WASF2: variants seen among roughly 807,000 people sequenced by gnomAD.
WASF2 encodes actin-binding protein WASF2.
In WASF2, 14 loss-of-function variants were observed where a neutral mutation model predicts 45.0. The observed-to-expected ratio is 0.31, with a 90% CI of 0.21 to 0.49. The LOEUF (loss-of-function observed/expected upper bound fraction) is 0.49. Ranked by LOEUF, WASF2 falls within the 20% of genes least tolerant of loss-of-function variation. The probability of loss-of-function intolerance (pLI) is 0.99; values close to 1 mark genes in which losing one functional copy is unlikely to be tolerated. For missense variants in WASF2, 439 were observed against 636.1 expected, an observed-to-expected ratio of 0.69 and a Z score of 3.33; for synonymous variants, 200 against 236.3, an observed-to-expected ratio of 0.85 and a Z score of 1.41.
intron 2 of WASF2, among the ~76,000 whole-genome samples, chr1:27,420,052 G>A (rs1010342222): frequency 3.3e-5 from 5 of 151,894 alleles, no homozygotes; most frequent in South Asian, 2.1e-4. Context: ...TTACAGATGC[G>A]CACCACCATG....
At chr1:27,479,264 C>T (rs370295206) in intron 1 of WASF2, among the ~76,000 whole-genome samples, 7 of 149,720 alleles carry the variant, frequency 4.7e-5, no homozygotes, top group East Asian at 4.0e-4. Context: ...CCAGTGTGGG[C>T]GACAGAGTGA....
At chr1:27,437,004 CAG>C (rs1343444738) in intron 1 of WASF2, among the ~76,000 whole-genome samples, 4 of 152,144 alleles carry the variant, frequency 2.6e-5, no homozygotes, top group African/African-American at 9.7e-5. Flanking sequence ...GCTGAGGAAA[CAG>C]AACTTCTAAA....
intron 1 of WASF2, among the ~76,000 whole-genome samples, chr1:27,455,331 C>G (rs903718809): frequency 6.6e-6 from 1 of 152,074 alleles, no homozygotes; most frequent in Non-Finnish European, 1.5e-5. Flanking sequence ...CAGCTGCCTC[C>G]TAATAATTAA....
At chr1:27,441,753 C>A (rs1412950215) in intron 1 of WASF2, among the ~76,000 whole-genome samples, 124 of 51,622 alleles carry the variant, frequency 2.4e-3, no homozygotes, top group East Asian at 9.3e-3. Flanking sequence ...GACTCCGTCT[C>A]AAAAAAAAAA....
At chr1:27,413,486 C>G (rs1465054477) in intron 6 of WASF2, among the ~76,000 whole-genome samples, 2 of 152,176 alleles carry the variant, frequency 1.3e-5, no homozygotes, top group African/African-American at 4.8e-5. Flanking sequence ...AAGAACTCAT[C>G]TAAAACAGAC....
intron 1 of WASF2, among the ~76,000 whole-genome samples, chr1:27,449,531 G>A (rs563912338): frequency 4.6e-4 from 70 of 152,010 alleles, no homozygotes; most frequent in Non-Finnish European, 8.5e-4. Flanking sequence ...CCCAGGAGGC[G>A]GAGGTTGCAG....
intron 1 of WASF2, among the ~76,000 whole-genome samples, chr1:27,454,939 A>G (rs1350751469): frequency 6.6e-6 from 1 of 151,966 alleles, no homozygotes; most frequent in African/African-American, 2.4e-5. Flanking sequence ...ATGTTTTTGT[A>G]CATGTCTCCT....
intron 1 of WASF2, among the ~76,000 whole-genome samples, chr1:27,466,380 T>C (rs2017611608): frequency 6.6e-6 from 1 of 152,134 alleles, no homozygotes; most frequent in African/African-American, 2.4e-5. Context: ...ATTATGAGCC[T>C]CCTCACAGAA....
At chr1:27,463,622 CAA>C (rs998488815) in intron 1 of WASF2, among the ~76,000 whole-genome samples, 2 of 41,876 alleles carry the variant, frequency 4.8e-5, no homozygotes, top group Middle Eastern at 0.01. Flanking sequence ...GACTCTGTCT[CAA>C]AAAAAAAAAA....
chr1:27,408,406 G>C (rs2016710020), intron 8 of WASF2, 60 bp from the exon 9 acceptor site: 1 of 1,607,124 alleles, frequency 6.2e-7, no homozygotes, highest in Non-Finnish European at 8.5e-7. Context: ...AATCCATCTG[G>C]AACTGGGTAA....
intron 1 of WASF2, among the ~76,000 whole-genome samples, chr1:27,484,811 C>CAAA (rs58153446): frequency 4.8e-5 from 6 of 124,604 alleles, no homozygotes; most frequent in African/African-American, 2.0e-4. Context: ...GACTCTGTCT[C>CAAA]AAAAAAAAAA....
chr1:27,434,055 A>G (rs539728030), intron 1 of WASF2, among the ~76,000 whole-genome samples: 4 of 152,356 alleles, frequency 2.6e-5, no homozygotes, highest in Middle Eastern at 3.4e-3. Flanking sequence ...GGAGATGTCA[A>G]ATAGGAGAGC....
chr1:27,470,310 G>T (rs2017672023), intron 1 of WASF2, among the ~76,000 whole-genome samples: 1 of 152,160 alleles, frequency 6.6e-6, no homozygotes, highest in Non-Finnish European at 1.5e-5. Context: ...GAATATTTAG[G>T]AAGAAACTAT....
intron 1 of WASF2, among the ~76,000 whole-genome samples, chr1:27,487,554 A>C (rs1233951046): frequency 9.4e-6 from 1 of 106,610 alleles, no homozygotes; most frequent in Non-Finnish European, 1.8e-5. Flanking sequence ...TATATTATAT[A>C]TATTTTATAC....
intron 1 of WASF2, among the ~76,000 whole-genome samples, chr1:27,441,543 G>A (rs1336455694): frequency 6.6e-6 from 1 of 151,884 alleles, no homozygotes; most frequent in Non-Finnish European, 1.5e-5. Flanking sequence ...CACAAGGTCA[G>A]GAGATCGAGA....
At chr1:27,470,239 G>T (rs1309700343) in intron 1 of WASF2, among the ~76,000 whole-genome samples, 1 of 152,202 alleles carries the variant, frequency 6.6e-6, no homozygotes, top group Non-Finnish European at 1.5e-5. Context: ...TAAATATCAG[G>T]CTGAGTTTGT....
chr1:27,446,999 TAAATAA>T (rs1299710597), intron 1 of WASF2, among the ~76,000 whole-genome samples: 1 of 152,112 alleles, frequency 6.6e-6, no homozygotes, highest in Non-Finnish European at 1.5e-5. Context: ...TGACCAATGG[TAAATAA>T]ATTGCATAGC....
intron 3 of WASF2, among the ~76,000 whole-genome samples, chr1:27,418,745 T>C (rs1337882507): frequency 6.6e-6 from 1 of 151,782 alleles, no homozygotes; most frequent in Non-Finnish European, 1.5e-5. Flanking sequence ...AAAGAAGGAA[T>C]TGGGGGAATG....
chr1:27,462,552 C>T (rs1486526003), intron 1 of WASF2, among the ~76,000 whole-genome samples: 3 of 151,950 alleles, frequency 2.0e-5, no homozygotes, highest in Non-Finnish European at 2.9e-5. Context: ...GCGATCCTCC[C>T]ATCTTGGCCT....
Sources: gnomAD v4.1 joint callset for allele counts (sites outside exome capture counted in the v4.1 genomes callset) on GRCh38, gnomAD v4.1.1 for gene constraint, MANE v1.5 for transcripts, NCBI Gene and HGNC (gene_info 2026-07-23, HGNC 2026-07-21) for gene names.